Variants in BAALC observed in about 807,000 individuals in gnomAD.
BAALC encodes the protein brain and acute leukemia cytoplasmic protein.
In BAALC, 9 loss-of-function variants were observed where a neutral mutation model predicts 15.5. The observed-to-expected ratio is 0.58, with a 90% CI of 0.35 to 1.02. BAALC has a LOEUF of 1.02. Among genes scored for constraint, BAALC ranks in the 50% least tolerant of loss-of-function variants. BAALC has a pLI of 0.02. For missense variants in BAALC, 201 were observed against 192.4 expected (o/e 1.04, Z -0.27); for synonymous variants, 80 against 74.6 (o/e 1.07, Z -0.37).
intron 1 of BAALC, among the ~76,000 whole-genome samples, chr8:103,173,813 A>C (rs1811549364): frequency 6.6e-6 from 1 of 152,198 alleles, no homozygotes; most frequent in African/African-American, 2.4e-5. Flanking sequence ...AACCTTGACA[A>C]AGTTGAATTG....
At chr8:103,148,946 G>C (rs1047568165) in intron 1 of BAALC, among the ~76,000 whole-genome samples, 2 of 152,090 alleles carry the variant, frequency 1.3e-5, no homozygotes, top group Admixed American at 1.3e-4. Flanking sequence ...CTATATGTGA[G>C]AATTTTTCTT....
Position 103,213,083 on chromosome 8 carries a change from G to A in BAALC, c.325G>A (p.Glu109Lys), listed in dbSNP as rs762740865. Residue 109 changes from glutamate (E) to lysine (K), a missense_variant and splice_region_variant, in exon 2 of 3, where the codon GAG becomes AAG. Transcript: ENST00000309982. Reference sequence around the variant, plus strand: ...GAAACAGAATGGCCTTCAGACCACAGAGGTAGGGTTGCAGCCACAGAATCA... The same window carrying A: ...GAAACAGAATGGCCTTCAGACCACAAAGGTAGGGTTGCAGCCACAGAATCA... ...TQKQNGLQTT[E>K]AKRDAKRMPA... is the part of the protein sequence containing the mutation. The A allele has an allele frequency of 1.2e-6, 2 of 1,613,820 alleles. No homozygotes were observed. The highest frequency in any genetic ancestry group is 2.2e-5 in the South Asian group (2 of 91,030).
intron 1 of BAALC, among the ~76,000 whole-genome samples, chr8:103,201,036 G>C (rs189924549): frequency 1.3e-5 from 2 of 152,184 alleles, no homozygotes; most frequent in Admixed American, 1.3e-4. Context: ...ATCGTACTAG[G>C]TACCTTTGGA....
At position 103,151,672 on chromosome 8, in the gene BAALC, A is replaced by G. The variant is rs1030871525; in HGVS notation, c.160+10615A>G. The stretch of plus-strand genomic sequence containing the variant: ...TAGAACAATGATCTCACCACCTCTC[A>G]GCAATTCTATTCATTCCTCATTAAT... On this transcript the variant is annotated intron_variant, in intron 1 of 2. Coordinates refer to ENST00000309982, the MANE Select transcript of BAALC (RefSeq NM_024812.3). Among the ~76,000 whole-genome samples the G allele has an allele frequency of 3.9e-5, 6 of 152,088 alleles. No individual in the cohort carries two copies. The East Asian group carries it at 1.2e-3, about 29-fold the overall frequency.
intron 1 of BAALC, among the ~76,000 whole-genome samples, chr8:103,170,619 C>T (rs72671394): frequency 0.11 from 16,618 of 152,174 alleles, 1,187 homozygotes; most frequent in East Asian, 0.34. Flanking sequence ...GGGTGTGGAA[C>T]TGATTCTCAG....
chr8:103,209,269 G>A (rs1285024899), intron 1 of BAALC, among the ~76,000 whole-genome samples: 1 of 152,142 alleles, frequency 6.6e-6, no homozygotes, highest in Admixed American at 6.5e-5. Flanking sequence ...CTACTCAGGA[G>A]GCTGTGGCAG....
At chr8:103,185,739 C>T (rs568653314) in intron 1 of BAALC, among the ~76,000 whole-genome samples, 2 of 152,176 alleles carry the variant, frequency 1.3e-5, no homozygotes, top group East Asian at 1.9e-4. Flanking sequence ...CAAAATGGTA[C>T]CATTTTTCAT....
At chr8:103,214,498 G>A (rs954208046) in intron 2 of BAALC, among the ~76,000 whole-genome samples, 3 of 152,120 alleles carry the variant, frequency 2.0e-5, no homozygotes, top group Non-Finnish European at 2.9e-5. Context: ...CTGTCCCCTC[G>A]GGCCAATGCC....
intron 1 of BAALC, among the ~76,000 whole-genome samples, chr8:103,183,738 T>A (rs1392445044): frequency 6.6e-6 from 1 of 152,172 alleles, no homozygotes; most frequent in Non-Finnish European, 1.5e-5. Flanking sequence ...CATATAATTA[T>A]TGAAGCTGGT....
At chr8:103,165,061 G>C (rs1811314492) in intron 1 of BAALC, among the ~76,000 whole-genome samples, 1 of 152,170 alleles carries the variant, frequency 6.6e-6, no homozygotes, top group Admixed American at 6.5e-5. Context: ...TTGGGGCATG[G>C]CTCCATGGAC....
rs1324727098 is a variant in BAALC at position 103,141,002 on chromosome 8, G to A, written c.105G>A (p.Ala35=). 2 of 1,523,916 alleles carry A rather than the reference G, an allele frequency of 1.3e-6. No individual in the cohort carries two copies. The highest frequency in any genetic ancestry group is 1.8e-6 in the Non-Finnish European group (2 of 1,136,236). 94.4% of individuals were successfully genotyped at this position (1,523,916 alleles called of 1,614,324 possible). A position where few individuals can be genotyped will look rare whatever the true frequency, so the allele number is the denominator to read the frequency against. Reference sequence around the variant, plus strand: ...GGCTCACCTACACCGACTCGGACGCGCCGCCCAGCGCCGCCGCCCCGGACA... The same window carrying A: ...GGCTCACCTACACCGACTCGGACGCACCGCCCAGCGCCGCCGCCCCGGACA... ...STWLTYTDSD[A]PPSAAAPDSG... Residue 35 remains alanine, a synonymous_variant, in exon 1 of 3, where the codon GCG becomes GCA. Transcript: ENST00000309982.
chr8:103,203,809 ATACT>A (rs1196471931), intron 1 of BAALC, among the ~76,000 whole-genome samples: 10 of 151,464 alleles, frequency 6.6e-5, no homozygotes, highest in African/African-American at 2.4e-4. Context: ...TATACATAAA[ATACT>A]TTATTTATCT....
chr8:103,171,694 G>C (rs1171531501), intron 1 of BAALC, among the ~76,000 whole-genome samples: 1 of 152,204 alleles, frequency 6.6e-6, no homozygotes, highest in Non-Finnish European at 1.5e-5. Context: ...ACAAGGACTT[G>C]TGGAGAACAA....
chr8:103,225,496 C>A (rs1217684885), intron 2 of BAALC, among the ~76,000 whole-genome samples: 2 of 152,090 alleles, frequency 1.3e-5, no homozygotes, highest in African/African-American at 4.8e-5. Context: ...TGAAAAAGTA[C>A]ACTCAGGTGA....
At chr8:103,142,479 G>A (rs544993419) in intron 1 of BAALC, among the ~76,000 whole-genome samples, 5 of 152,308 alleles carry the variant, frequency 3.3e-5, no homozygotes, top group East Asian at 3.9e-4. Flanking sequence ...ATAGATATGA[G>A]CCTTTTAGAG....
intron 1 of BAALC, among the ~76,000 whole-genome samples, chr8:103,175,293 G>A (rs1384312767): frequency 6.6e-6 from 1 of 152,128 alleles, no homozygotes; most frequent in Non-Finnish European, 1.5e-5. Context: ...ACAACAAAAG[G>A]CAATATTGTG....
At chr8:103,143,115 T>A (rs1431854434) in intron 1 of BAALC, among the ~76,000 whole-genome samples, 3 of 152,170 alleles carry the variant, frequency 2.0e-5, no homozygotes, top group Non-Finnish European at 4.4e-5. Context: ...TGTACTGGCA[T>A]TCCCTAGGGC....
rs147909407 is a variant in BAALC at position 103,179,817 on chromosome 8, C to A, written c.161-33102C>A. 9.2e-5 allele frequency among the ~76,000 whole-genome samples: 14 copies of A among 152,330 alleles called. No homozygotes were observed. In the East Asian group the frequency reaches 1.9e-3, roughly 21 times the overall value. The stretch of plus-strand genomic sequence containing the variant: ...AGATAAGGATGTAGGCAAATAATTA[C>A]TGTGGGAGGGATATTCAGTAGTGCA... On this transcript the variant is annotated intron_variant, in intron 1 of 2. Coordinates refer to ENST00000309982, the MANE Select transcript of BAALC (RefSeq NM_024812.3).
intron 1 of BAALC, among the ~76,000 whole-genome samples, chr8:103,170,009 T>C (rs940934791): frequency 6.6e-6 from 1 of 152,174 alleles, no homozygotes; most frequent in Admixed American, 6.5e-5. Context: ...TTCCTTTTTT[T>C]CCCCTTAGGA....
Sources: allele counts gnomAD v4.1 joint callset (sites outside exome capture counted in the v4.1 genomes callset), GRCh38; gene constraint gnomAD v4.1.1; transcripts MANE v1.5; gene names NCBI Gene and HGNC (gene_info 2026-07-23, HGNC 2026-07-21).